PRKG1: variants seen among roughly 807,000 people sequenced by gnomAD.
PRKG1 encodes the protein cGMP-dependent protein kinase 1.
In PRKG1, 35 loss-of-function variants were observed where a neutral mutation model predicts 88.1. The observed-to-expected ratio is 0.40, with a 90% CI of 0.30 to 0.53. The LOEUF is 0.53. Ranked by LOEUF, PRKG1 falls within the 20% of genes least tolerant of loss-of-function variation. PRKG1 has a pLI of 0.59. For synonymous variants in PRKG1, 303 were observed against 292.5 expected, an observed-to-expected ratio of 1.04 and a Z score of -0.37; for missense variants, 540 against 839.8, an observed-to-expected ratio of 0.64 and a Z score of 4.41.
At chr10:51,392,580 CT>C (rs1837437058) in intron 2 of PRKG1, among the ~76,000 whole-genome samples, 1 of 151,832 alleles carries the variant, frequency 6.6e-6, no homozygotes. Flanking sequence ...TTTTCCCCAC[CT>C]TTCCCCCCTT....
chr10:51,809,825 C>T (rs1194868241), intron 4 of PRKG1, among the ~76,000 whole-genome samples: 3 of 152,148 alleles, frequency 2.0e-5, no homozygotes, highest in African/African-American at 7.2e-5. Flanking sequence ...GAAAGCCTAC[C>T]TAGTTCTTAC....
At chr10:51,782,878 A>T (rs369302241) in intron 3 of PRKG1, among the ~76,000 whole-genome samples, 3 of 152,214 alleles carry the variant, frequency 2.0e-5, no homozygotes, top group East Asian at 1.9e-4. Flanking sequence ...TAAATTGCCC[A>T]GTCTTGGGTA....
At chr10:51,244,456 A>G (rs1383579372) in intron 2 of PRKG1, among the ~76,000 whole-genome samples, 1 of 151,914 alleles carries the variant, frequency 6.6e-6, no homozygotes, top group Non-Finnish European at 1.5e-5. Context: ...TTTATAGAAC[A>G]TTCAGTGGTT....
intron 12 of PRKG1, among the ~76,000 whole-genome samples, chr10:52,277,901 T>C (rs1841911654): frequency 2.0e-5 from 3 of 152,164 alleles, no homozygotes; most frequent in Admixed American, 2.0e-4. Context: ...AGAGGTATGT[T>C]GCCCAGAGTC....
intron 2 of PRKG1, among the ~76,000 whole-genome samples, chr10:51,357,490 T>C (rs1156676141): frequency 1.3e-5 from 2 of 151,954 alleles, no homozygotes; most frequent in African/African-American, 4.8e-5. Flanking sequence ...GCAGAATCTC[T>C]CTACCTGCCA....
chr10:51,278,940 G>A (rs1197285378), intron 2 of PRKG1, among the ~76,000 whole-genome samples: 3 of 151,882 alleles, frequency 2.0e-5, no homozygotes, highest in Non-Finnish European at 1.5e-5. Flanking sequence ...AGGGTTTTTT[G>A]TGTCTCTATT....
chr10:51,460,263 A>G (rs2132795428), intron 2 of PRKG1, among the ~76,000 whole-genome samples: 1 of 152,280 alleles, frequency 6.6e-6, no homozygotes, highest in East Asian at 1.9e-4. Context: ...TTAAAACATA[A>G]CAAAAATAAA....
At chr10:51,776,068 G>T (rs1838427265) in intron 3 of PRKG1, among the ~76,000 whole-genome samples, 1 of 152,006 alleles carries the variant, frequency 6.6e-6, no homozygotes, top group Non-Finnish European at 1.5e-5. Flanking sequence ...GAAACAAAAA[G>T]AAAATATTAA....
At chr10:52,022,035 T>C (rs1845199571) in intron 5 of PRKG1, among the ~76,000 whole-genome samples, 1 of 152,304 alleles carries the variant, frequency 6.6e-6, no homozygotes, top group South Asian at 2.1e-4. Context: ...AACTTTACAA[T>C]GGTGTGAAAG....
At chr10:52,164,208 A>G (rs988076930) in intron 9 of PRKG1, among the ~76,000 whole-genome samples, 2 of 151,922 alleles carry the variant, frequency 1.3e-5, no homozygotes, top group African/African-American at 2.4e-5. Flanking sequence ...AAAATTAGCC[A>G]GGCGTGGTGG....
At chr10:51,144,116 G>A (rs1712725213) in intron 1 of PRKG1, among the ~76,000 whole-genome samples, 1 of 152,002 alleles carries the variant, frequency 6.6e-6, no homozygotes, top group African/African-American at 2.4e-5. Context: ...TTGCATTTAA[G>A]TCTTTAATCC....
At chr10:51,078,257 C>T (rs1309251128) in intron 1 of PRKG1, among the ~76,000 whole-genome samples, 1 of 152,092 alleles carries the variant, frequency 6.6e-6, no homozygotes, top group African/African-American at 2.4e-5. Context: ...CTCACTCTGT[C>T]ACCCAGGATG....
At chr10:51,004,293 G>A (rs894811909) in intron 1 of PRKG1, among the ~76,000 whole-genome samples, 7 of 151,992 alleles carry the variant, frequency 4.6e-5, no homozygotes, top group East Asian at 3.9e-4. Context: ...GAGAAACCCC[G>A]TCTCTACTAA....
At chr10:51,392,478 CAGA>C (rs1158275872) in intron 2 of PRKG1, among the ~76,000 whole-genome samples, 1 of 152,178 alleles carries the variant, frequency 6.6e-6, no homozygotes, top group Non-Finnish European at 1.5e-5. Context: ...GATCCCATGG[CAGA>C]AGAATTTTTC....
chr10:51,434,015 T>C (rs1292169386), intron 2 of PRKG1, among the ~76,000 whole-genome samples: 1 of 152,126 alleles, frequency 6.6e-6, no homozygotes, highest in East Asian at 1.9e-4. Context: ...TGCCATTACC[T>C]GGCTGAGCTG....
chr10:51,621,615 G>A (rs1035048202), intron 3 of PRKG1, among the ~76,000 whole-genome samples: 2 of 152,094 alleles, frequency 1.3e-5, no homozygotes, highest in Admixed American at 6.5e-5. Flanking sequence ...TCTTTTAGAT[G>A]AGGAAAAACC....
intron 5 of PRKG1, among the ~76,000 whole-genome samples, chr10:51,932,163 C>T (rs1324665210): frequency 6.7e-6 from 1 of 150,084 alleles, no homozygotes; most frequent in Non-Finnish European, 1.5e-5. Flanking sequence ...TTAAGATATT[C>T]AGTATCATTT....
At chr10:51,929,776 T>C (rs367573768) in intron 5 of PRKG1, among the ~76,000 whole-genome samples, 3 of 152,216 alleles carry the variant, frequency 2.0e-5, no homozygotes, top group African/African-American at 2.4e-5. Context: ...TAGAGGATAC[T>C]ACATATTGAA....
At chr10:52,075,002 G>A (rs543655635) in intron 7 of PRKG1, among the ~76,000 whole-genome samples, 1 of 152,194 alleles carries the variant, frequency 6.6e-6, no homozygotes, top group East Asian at 1.9e-4. Flanking sequence ...CCTATTCCAG[G>A]CATTTAGGAA....
Sources: gnomAD v4.1 joint callset for allele counts (sites outside exome capture counted in the v4.1 genomes callset) on GRCh38, gnomAD v4.1.1 for gene constraint, MANE v1.5 for transcripts, NCBI Gene and HGNC (gene_info 2026-07-23, HGNC 2026-07-21) for gene names.